ARID2: variants seen among roughly 807,000 people sequenced by gnomAD.
ARID2 encodes the protein AT-rich interactive domain-containing protein 2.
Under a neutral mutation model 184.6 loss-of-function variants are expected in ARID2, and 32 were observed. The ratio of observed to expected loss-of-function variants is 0.17; its 90% CI spans 0.13 to 0.23. The LOEUF is 0.23. Ranked by LOEUF, ARID2 falls within the 10% of genes least tolerant of loss-of-function variation. The pLI, the probability that ARID2 is intolerant of heterozygous loss-of-function variation, is 1.00. For synonymous variants in ARID2, 836 were observed against 772.6 expected (o/e 1.08, Z -1.36); for missense variants, 1,696 against 2,197.6 (o/e 0.77, Z 4.56).
intron 6 of ARID2, among the ~76,000 whole-genome samples, chr12:45,824,801 A>G (rs1305710765): frequency 6.6e-6 from 1 of 151,600 alleles, no homozygotes; most frequent in Middle Eastern, 3.2e-3. Context: ...ATTATTCACA[A>G]TAGCCAAGAT....
At position 45,906,629 on chromosome 12, in the gene ARID2, CACCT is replaced by C. The variant is rs1319974867; in HGVS notation, c.*1557_*1560del. The C allele has an allele frequency of 4.3e-6, 1 of 232,196 alleles. No individual in the cohort carries two copies. The highest frequency in any genetic ancestry group is 8.5e-6 in the Non-Finnish European group (1 of 117,524). The allele number at this position is 232,196 out of a possible 1,614,324, so 14.4% of individuals were successfully genotyped here. On this transcript the variant is annotated 3_prime_UTR_variant, in exon 21 of 21. Transcript: ENST00000334344. The stretch of plus-strand genomic sequence containing the variant: ...TCAGCTGAAGGCAAGGTATAACGGT[CACCT>C]ACCTATTTGATTATATGTTGATTGA...
intron 3 of ARID2, among the ~76,000 whole-genome samples, chr12:45,809,100 A>C (rs924090283): frequency 1.3e-5 from 2 of 152,188 alleles, no homozygotes; most frequent in Admixed American, 6.5e-5. Flanking sequence ...ACTGTACTAA[A>C]TGATAACAAC....
intron 3 of ARID2, among the ~76,000 whole-genome samples, chr12:45,737,020 T>C (rs1941140533): frequency 6.6e-6 from 1 of 152,238 alleles, no homozygotes; most frequent in East Asian, 1.9e-4. Flanking sequence ...TAAACTATAA[T>C]GTGATAAAAG....
chr12:45,808,093 C>T (rs1942634243), intron 3 of ARID2, among the ~76,000 whole-genome samples: 1 of 152,122 alleles, frequency 6.6e-6, no homozygotes, highest in Non-Finnish European at 1.5e-5. Flanking sequence ...AAAGTTATGT[C>T]ATCGATTTTT....
chr12:45,757,353 AC>A (rs1941589542), intron 3 of ARID2, among the ~76,000 whole-genome samples: 1 of 152,238 alleles, frequency 6.6e-6, no homozygotes, highest in East Asian at 1.9e-4. Context: ...ACATTTGAGC[AC>A]ATATTGTCCC....
In ARID2 at chr12:45,766,881, T is replaced by TTA. The variant is rs1434991339; in HGVS notation, c.284+35567_284+35568insTA. ...TACTTGGGAGGCTGAGGCAGGAGAA[T>TTA]CACTTGAACCTGGGAGGCAGAGATT... On this transcript the variant is annotated intron_variant, in intron 3 of 20. Coordinates refer to ENST00000334344, the MANE Select transcript of ARID2 (RefSeq NM_152641.4). 5.4e-3 allele frequency among the ~76,000 whole-genome samples: 827 copies of TTA among 152,098 alleles called. 7 individuals are homozygous for TTA. The highest frequency in any genetic ancestry group is 0.019 in the African/African-American group (788 of 41,488).
chr12:45,900,898 G>A (rs1944448112), intron 20 of ARID2, among the ~76,000 whole-genome samples: 1 of 151,902 alleles, frequency 6.6e-6, no homozygotes, highest in African/African-American at 2.4e-5. Context: ...CTTTGTATGT[G>A]ATCTGTTTTC....
intron 3 of ARID2, among the ~76,000 whole-genome samples, chr12:45,761,067 G>A (rs1348741405): frequency 6.6e-6 from 1 of 152,078 alleles, no homozygotes; most frequent in Non-Finnish European, 1.5e-5. Context: ...TATGTCTTCT[G>A]AGTTTAACCT....
rs2138156712 is a variant in ARID2 at position 45,849,627 on chromosome 12, G to C, written c.1763G>C (p.Ser588Thr). The change falls in exon 14 of 21, where the codon AGC becomes ACC. Residue 588 changes from serine (S) to threonine (T), a missense_variant. Physicochemically the swap from Ser to Thr is moderately conservative, Grantham distance 58. Transcript: ENST00000334344. ...HTVKRVEDSS[S>T]NGQAHIHVVG... Reference sequence around the variant, plus strand: ...GTGAAGAGAGTGGAGGATTCCAGTAGCAATGGGCAGGCACATATTCATGTG... The same window carrying C: ...GTGAAGAGAGTGGAGGATTCCAGTACCAATGGGCAGGCACATATTCATGTG... The C allele has an allele frequency of 6.2e-7, 1 of 1,613,524 alleles. No homozygotes were observed. The highest frequency in any genetic ancestry group is 1.1e-5 in the South Asian group (1 of 90,994).
intron 3 of ARID2, among the ~76,000 whole-genome samples, chr12:45,808,913 C>T (rs765323108): frequency 2.6e-5 from 4 of 151,938 alleles, no homozygotes; most frequent in Non-Finnish European, 4.4e-5. Flanking sequence ...TACAGGCGTG[C>T]GCCACCACAT....
intron 16 of ARID2, among the ~76,000 whole-genome samples, chr12:45,875,403 TC>T (rs1299232750): frequency 6.6e-6 from 1 of 152,222 alleles, no homozygotes; most frequent in African/African-American, 2.4e-5. Context: ...TTAGCATAAT[TC>T]TTAAGAGTCC....
intron 11 of ARID2, among the ~76,000 whole-genome samples, chr12:45,844,365 G>A (rs1410548218): frequency 6.6e-6 from 1 of 152,120 alleles, no homozygotes; most frequent in African/African-American, 2.4e-5. Flanking sequence ...TGTTTACACA[G>A]GATTCTGCCT....
At chr12:45,815,702 C>A (rs1044570193) in intron 4 of ARID2, among the ~76,000 whole-genome samples, 5 of 152,118 alleles carry the variant, frequency 3.3e-5, no homozygotes, top group Non-Finnish European at 7.3e-5. Flanking sequence ...CACTTCGTCG[C>A]TCAGGCTGGA....
intron 6 of ARID2, among the ~76,000 whole-genome samples, chr12:45,834,186 C>G (rs760066799): frequency 6.6e-6 from 1 of 152,056 alleles, no homozygotes; most frequent in Non-Finnish European, 1.5e-5. Flanking sequence ...GGTAGGATGA[C>G]TACTCCAGTA....
chr12:45,797,680 A>G (rs1942415264), intron 3 of ARID2, among the ~76,000 whole-genome samples: 3 of 151,924 alleles, frequency 2.0e-5, no homozygotes, highest in Admixed American at 2.0e-4. Context: ...TAAATTTCTT[A>G]CTCACCTGGA....
At chr12:45,827,854 C>T (rs923857462) in intron 6 of ARID2, among the ~76,000 whole-genome samples, 1 of 152,018 alleles carries the variant, frequency 6.6e-6, no homozygotes, top group Non-Finnish European at 1.5e-5. Flanking sequence ...AAAGTAGTAG[C>T]AGACAAATGT....
At chr12:45,862,730 T>C (rs1943769240) in intron 16 of ARID2, among the ~76,000 whole-genome samples, 1 of 152,176 alleles carries the variant, frequency 6.6e-6, no homozygotes, top group African/African-American at 2.4e-5. Context: ...ATGAAGTGTT[T>C]AGGTTACTTC....
intron 3 of ARID2, among the ~76,000 whole-genome samples, chr12:45,732,316 A>G (rs921929836): frequency 6.6e-6 from 1 of 152,158 alleles, no homozygotes; most frequent in Non-Finnish European, 1.5e-5. Flanking sequence ...GCACTCAGTT[A>G]TTGTGTATTA....
intron 20 of ARID2, among the ~76,000 whole-genome samples, chr12:45,899,671 T>TTATATATATATGGTTTTATATA (rs375466100): frequency 1.6e-4 from 7 of 45,124 alleles, no homozygotes; most frequent in Non-Finnish European, 2.6e-4. Flanking sequence ...ATATATATGG[T>TTATATATATATGGTTTTATATA]TATATATGGT....
Sources: allele counts gnomAD v4.1 joint callset (sites outside exome capture counted in the v4.1 genomes callset), GRCh38; gene constraint gnomAD v4.1.1; transcripts MANE v1.5; gene names NCBI Gene and HGNC (gene_info 2026-07-23, HGNC 2026-07-21).